EFR3B: variants seen among roughly 807,000 people sequenced by gnomAD.
The protein encoded by EFR3B is protein EFR3 homolog B.
Under a neutral mutation model 104.7 loss-of-function variants are expected in EFR3B, and 64 were observed. The observed-to-expected ratio is 0.61, with a 90% CI of 0.50 to 0.75. The LOEUF is 0.75. Ranked by LOEUF, EFR3B falls within the 30% of genes least tolerant of loss-of-function variation. The pLI, the probability that EFR3B is intolerant of heterozygous loss-of-function variation, is 0.00. For missense variants in EFR3B, 750 were observed against 1,078.5 expected (o/e 0.70, Z 4.27); for synonymous variants, 385 against 417.9 (o/e 0.92, Z 0.96).
At position 25,156,167 on chromosome 2, in the gene EFR3B, T is replaced by C. The variant is rs1671162453; in HGVS notation, c.*1827T>C. On this transcript the variant is annotated 3_prime_UTR_variant, in exon 23 of 23. Transcript: ENST00000403714. Reference sequence around the variant, plus strand: ...ACTGAACACGAGCATTTCCCATTAATATGTGCAATAAATGTCTTGGGGAAG... The same window carrying C: ...ACTGAACACGAGCATTTCCCATTAACATGTGCAATAAATGTCTTGGGGAAG... The C allele has an allele frequency of 6.6e-6, 1 of 152,144 alleles. No individual in the cohort carries two copies. Among genetic ancestry groups the C allele is most frequent in the African/African-American group, 2.4e-5 (1 of 41,430 alleles). 9.4% of individuals were successfully genotyped at this position (152,144 alleles called of 1,614,324 possible). A position where few individuals can be genotyped will look rare whatever the true frequency, so the allele number is the denominator to read the frequency against.
rs573144217 is a variant in EFR3B at position 25,137,893 on chromosome 2, C to T, written c.1722+391C>T. ...CTAAAGATTCTCTGGTTCCCTTGGC[C>T]GGGCGTGGTGGCTCATGCCTGTAAT... is the stretch of plus-strand genomic sequence containing the variant. On this transcript the variant is annotated intron_variant, in intron 15 of 22. Coordinates refer to ENST00000403714, the MANE Select transcript of EFR3B (RefSeq NM_014971.2). The surrounding 1 kb of genome is among the most constrained non-coding windows in gnomAD (Gnocchi z 4.7). 3.3e-5 allele frequency among the ~76,000 whole-genome samples: 5 copies of T among 152,284 alleles called. No individual in the cohort carries two copies. Among genetic ancestry groups the T allele is most frequent in the African/African-American group, 7.2e-5 (3 of 41,566 alleles).
intron 1 of EFR3B, among the ~76,000 whole-genome samples, chr2:25,086,294 T>G (rs1668949234): frequency 6.6e-6 from 1 of 152,208 alleles, no homozygotes; most frequent in African/African-American, 2.4e-5. Flanking sequence ...GTGTGATTGC[T>G]GGATTGTATG....
intron 1 of EFR3B, among the ~76,000 whole-genome samples, chr2:25,077,060 C>T (rs188647611): frequency 1.6e-4 from 25 of 152,308 alleles, no homozygotes; most frequent in African/African-American, 5.5e-4. Context: ...ATACATGTCC[C>T]GGCCCCTGCA....
At chr2:25,095,322 A>G (rs1464387767) in intron 3 of EFR3B, among the ~76,000 whole-genome samples, 4 of 152,246 alleles carry the variant, frequency 2.6e-5, no homozygotes, top group Non-Finnish European at 5.9e-5. Flanking sequence ...ACCAGAATCC[A>G]TAATTATGTA....
chr2:25,071,259 C>CTTT (rs57922304), intron 1 of EFR3B, among the ~76,000 whole-genome samples: 4 of 116,978 alleles, frequency 3.4e-5, no homozygotes, highest in East Asian at 2.4e-4. Context: ...CGTGCCCGGC[C>CTTT]TTTTTTTTTT....
intron 1 of EFR3B, among the ~76,000 whole-genome samples, chr2:25,051,852 C>G (rs576212925): frequency 1.2e-4 from 18 of 150,678 alleles, no homozygotes; most frequent in Non-Finnish European, 1.9e-4. Context: ...GTTGGCCAGG[C>G]TGATCTTGAT....
chr2:25,112,623 T>C (rs7604391), intron 4 of EFR3B, among the ~76,000 whole-genome samples: 21,158 of 152,116 alleles, frequency 0.14, 3,094 homozygotes, highest in African/African-American at 0.36. Context: ...GGACAGGCAA[T>C]GGTAAACTCA....
chr2:25,092,425 TAC>T lies in EFR3B; in HGVS notation c.85-561_85-560del, dbSNP rs754189638. Among the ~76,000 whole-genome samples the T allele has an allele frequency of 6.6e-3, 521 of 78,802 alleles. 8 individuals carry two copies. Among genetic ancestry groups the T allele is most frequent in the African/African-American group, 0.015 (495 of 32,108 alleles). The allele number at this position is 78,802 out of a possible 152,430, so 51.7% of individuals were successfully genotyped here. A position where few individuals can be genotyped will look rare whatever the true frequency, so the allele number is the denominator to read the frequency against. ...TCCTACACACACACACACACACACT[TAC>T]ACACACACACACACACGGTATATAT... On this transcript the variant is annotated intron_variant, in intron 2 of 22. Transcript: ENST00000403714.
intron 4 of EFR3B, among the ~76,000 whole-genome samples, chr2:25,111,471 C>A (rs839652): frequency 6.6e-6 from 1 of 151,904 alleles, no homozygotes; most frequent in Non-Finnish European, 1.5e-5. Context: ...TGTCACTCCA[C>A]CTCTTCCCAC....
intron 18 of EFR3B, among the ~76,000 whole-genome samples, chr2:25,144,713 C>G (rs767037887): frequency 1.4e-4 from 22 of 152,228 alleles, no homozygotes; most frequent in Non-Finnish European, 2.6e-4. Flanking sequence ...TAAGCACCTT[C>G]TTTGTGTTCT....
At chr2:25,068,038 A>G (rs1201670270) in intron 1 of EFR3B, among the ~76,000 whole-genome samples, 3 of 152,068 alleles carry the variant, frequency 2.0e-5, no homozygotes, top group Non-Finnish European at 4.4e-5. Context: ...CACCAGATCC[A>G]TCTCTTACCT....
intron 4 of EFR3B, among the ~76,000 whole-genome samples, chr2:25,108,383 T>C (rs1313163426): frequency 6.6e-6 from 1 of 152,148 alleles, no homozygotes; most frequent in Non-Finnish European, 1.5e-5. Context: ...TTACTAATGA[T>C]AAACTAAAAA....
chr2:25,153,856 C>A (rs1671086800), intron 22 of EFR3B, 95 bp downstream of exon 22: 1 of 1,231,068 alleles, frequency 8.1e-7, no homozygotes, highest in Non-Finnish European at 1.2e-6. Context: ...TCTCTTCTCT[C>A]CTCCCCACCT....
rs2304569 is a variant in EFR3B at position 25,133,039 on chromosome 2, T to G, written c.1259+25T>G. ...GGTGAGCCACCAATCTCCCCCAGCC[T>G]GGAGTCCTCCTCTCCCCCAGCTGCA... On this transcript the variant is annotated intron_variant, in intron 11 of 22. Coordinates refer to ENST00000403714, the MANE Select transcript of EFR3B (RefSeq NM_014971.2). The G allele has an allele frequency of 8.6e-5, 133 of 1,539,928 alleles. No homozygotes were observed. In the East Asian group the frequency reaches 3.1e-3, roughly 36 times the overall value.
At chr2:25,117,227 A>G (rs965829273) in intron 4 of EFR3B, among the ~76,000 whole-genome samples, 52 of 152,194 alleles carry the variant, frequency 3.4e-4, no homozygotes, top group African/African-American at 1.2e-3. Context: ...GTGGCTTCCC[A>G]GGTGTGGGCC....
At chr2:25,110,323 C>G (rs1363864881) in intron 4 of EFR3B, among the ~76,000 whole-genome samples, 1 of 152,208 alleles carries the variant, frequency 6.6e-6, no homozygotes, top group Non-Finnish European at 1.5e-5. Flanking sequence ...GTTGGGGCCT[C>G]TACACATATG....
chr2:25,045,448 T>C (rs1320776538), intron 1 of EFR3B, among the ~76,000 whole-genome samples: 4 of 152,216 alleles, frequency 2.6e-5, no homozygotes, highest in African/African-American at 7.2e-5. Context: ...GCAAATTCTA[T>C]GCAAAAATGG....
At chr2:25,134,560 T>C (rs1303513901) in intron 12 of EFR3B, among the ~76,000 whole-genome samples, 1 of 152,090 alleles carries the variant, frequency 6.6e-6, no homozygotes, top group Non-Finnish European at 1.5e-5. Context: ...AGACCTCCTG[T>C]CTCATCTCTC....
At chr2:25,106,173 G>C (rs189477999) in intron 4 of EFR3B, among the ~76,000 whole-genome samples, 1 of 152,144 alleles carries the variant, frequency 6.6e-6, no homozygotes, top group Non-Finnish European at 1.5e-5. Context: ...AGTCTAGCCC[G>C]GGAGTTCCAA....
Sources: gnomAD v4.1 joint callset for allele counts (sites outside exome capture counted in the v4.1 genomes callset) on GRCh38, gnomAD v4.1.1 for gene constraint, Gnocchi (gnomAD v3.1) non-coding constraint, MANE v1.5 for transcripts, NCBI Gene and HGNC (gene_info 2026-07-23, HGNC 2026-07-21) for gene names.